KIF6: variants seen among roughly 807,000 people sequenced by gnomAD.
KIF6 encodes the protein kinesin-like protein KIF6.
In KIF6, 106 loss-of-function variants were observed where a neutral mutation model predicts 112.7. That is an observed-to-expected ratio of 0.94 (90% confidence interval 0.80 to 1.11). KIF6 has a LOEUF of 1.11. KIF6 is among the 50% of genes least tolerant of loss of function. The probability of loss-of-function intolerance (pLI) is 0.00; values close to 1 mark genes in which losing one functional copy is unlikely to be tolerated. For missense variants in KIF6, 929 were observed against 964.0 expected, an observed-to-expected ratio of 0.96 and a Z score of 0.48; for synonymous variants, 339 against 339.9, an observed-to-expected ratio of 1.00 and a Z score of 0.03.
chr6:39,384,522 G>A (rs116333903), intron 16 of KIF6, among the ~76,000 whole-genome samples: 1,832 of 152,328 alleles, frequency 0.012, 35 homozygotes, highest in African/African-American at 0.042. Context: ...TCCAGTTGCC[G>A]TGGCTTAGGT....
In KIF6 at chr6:39,598,900, G is replaced by T. The variant is rs370754958; in HGVS notation, c.640-2640C>A. Among the ~76,000 whole-genome samples the T allele has an allele frequency of 1.1e-4, 17 of 152,164 alleles. 1 individual carries two copies. In the East Asian group the frequency reaches 2.1e-3, roughly 19 times the overall value. ...TGATAGAATTTACATAATTAAAAAA[G>T]CAATATTATCTATTGTTCATGAAGC... On this transcript the variant is annotated intron_variant, in intron 6 of 22. Transcript: ENST00000287152.
At chr6:39,582,534 C>T (rs1017598066) in intron 9 of KIF6, among the ~76,000 whole-genome samples, 2 of 152,134 alleles carry the variant, frequency 1.3e-5, no homozygotes, top group African/African-American at 4.8e-5. Context: ...GCCTCAGCCT[C>T]CGGAGTAGCT....
At chr6:39,678,985 C>T (rs1336982720) in intron 3 of KIF6, among the ~76,000 whole-genome samples, 2 of 152,144 alleles carry the variant, frequency 1.3e-5, no homozygotes, top group African/African-American at 2.4e-5. Context: ...AAAAAAATCA[C>T]ATACTGATGT....
chr6:39,480,050 C>G (rs2150455394), intron 13 of KIF6, among the ~76,000 whole-genome samples: 1 of 152,246 alleles, frequency 6.6e-6, no homozygotes, highest in South Asian at 2.1e-4. Flanking sequence ...ATTTCTTTCT[C>G]TGGTCTGATT....
chr6:39,391,310 A>G (rs1379116150), intron 15 of KIF6, among the ~76,000 whole-genome samples: 1 of 152,206 alleles, frequency 6.6e-6, no homozygotes, highest in Non-Finnish European at 1.5e-5. Flanking sequence ...AGAGTCTGGC[A>G]CATTGTTTGA....
At chr6:39,536,179 CA>C (rs1280421592) in intron 13 of KIF6, among the ~76,000 whole-genome samples, 1 of 151,274 alleles carries the variant, frequency 6.6e-6, no homozygotes, top group African/African-American at 2.4e-5. Context: ...CAAACACATT[CA>C]AAAGCTAGCA....
At chr6:39,374,400 T>C (rs1418561255) in intron 16 of KIF6, among the ~76,000 whole-genome samples, 2 of 152,154 alleles carry the variant, frequency 1.3e-5, no homozygotes, top group Non-Finnish European at 2.9e-5. Context: ...CTAAAACGCT[T>C]TTGCACAGCA....
intron 1 of KIF6, among the ~76,000 whole-genome samples, chr6:39,722,674 A>G (rs1027387760): frequency 6.6e-6 from 1 of 152,236 alleles, no homozygotes; most frequent in Non-Finnish European, 1.5e-5. Flanking sequence ...TAATACTACA[A>G]AAAGCATTTC....
At chr6:39,383,015 CT>C (rs1258085157) in intron 16 of KIF6, among the ~76,000 whole-genome samples, 1 of 140,064 alleles carries the variant, frequency 7.1e-6, no homozygotes, top group Admixed American at 6.9e-5. Flanking sequence ...TAATAGGGTT[CT>C]TTTTTTCTTA....
In KIF6 at chr6:39,349,631, C is replaced by CTTTTT. The variant is rs58810898; in HGVS notation, c.2181-3110_2181-3106dup. Among the ~76,000 whole-genome samples, 46 of 64,560 alleles carry CTTTTT rather than the reference C, an allele frequency of 7.1e-4. 1 individual carries two copies. The highest frequency in any genetic ancestry group is 9.0e-4 in the African/African-American group (14 of 15,496). The allele number at this position is 64,560 out of a possible 152,430, so 42.4% of individuals were successfully genotyped here. On this transcript the variant is annotated intron_variant, in intron 19 of 22. Transcript: ENST00000287152. ...GAAGGTCTAGGTTTAATTTGTGGCT[C>CTTTTT]TTTTTTTTTTTTTTTTTTTTTTTTT...
At chr6:39,594,276 T>C (rs568226159) in intron 7 of KIF6, among the ~76,000 whole-genome samples, 1 of 151,898 alleles carries the variant, frequency 6.6e-6, no homozygotes, top group African/African-American at 2.4e-5. Context: ...GGAAGTCTGA[T>C]TCAACTGATG....
intron 15 of KIF6, among the ~76,000 whole-genome samples, chr6:39,400,262 A>G (rs75205815): frequency 0.037 from 5,564 of 152,248 alleles, 179 homozygotes; most frequent in Non-Finnish European, 0.05. Context: ...GTGGCTTATA[A>G]AGGCGAGCAA....
intron 16 of KIF6, among the ~76,000 whole-genome samples, chr6:39,364,706 G>A (rs1277579737): frequency 6.6e-6 from 1 of 152,166 alleles, no homozygotes; most frequent in East Asian, 1.9e-4. Flanking sequence ...GTACCCTATT[G>A]CTAATTCTCA....
At chr6:39,682,660 A>G (rs1048335716) in intron 3 of KIF6, among the ~76,000 whole-genome samples, 9 of 152,036 alleles carry the variant, frequency 5.9e-5, no homozygotes, top group African/African-American at 2.2e-4. Context: ...GCTTACTGCA[A>G]CCTCCACCTC....
At chr6:39,576,596 C>G (rs1399586296) in intron 10 of KIF6, among the ~76,000 whole-genome samples, 1 of 152,186 alleles carries the variant, frequency 6.6e-6, no homozygotes, top group Non-Finnish European at 1.5e-5. Context: ...TTCCTCTGGA[C>G]AGTGTCTCGA....
At position 39,351,211 on chromosome 6, in the gene KIF6, A is replaced by G. The variant is rs1764220274; in HGVS notation, c.2181-4685T>C. Among the ~76,000 whole-genome samples the G allele has an allele frequency of 7.6e-5, 10 of 132,140 alleles. 1 individual carries two copies. The South Asian group carries it at 2.5e-3, about 33-fold the overall frequency. The allele number at this position is 132,140 out of a possible 152,430, so 86.7% of individuals were successfully genotyped here. A position where few individuals can be genotyped will look rare whatever the true frequency, so the allele number is the denominator to read the frequency against. ...TTTTTTTTTTTTTTTTTGCAAGCAC[A>G]GTGTATTTCTTTTCTTTCTTTTTTT... is the stretch of plus-strand genomic sequence containing the variant. On this transcript the variant is annotated intron_variant, in intron 19 of 22. Transcript: ENST00000287152.
chr6:39,566,176 T>C (rs1357806965), intron 10 of KIF6, among the ~76,000 whole-genome samples: 1 of 152,262 alleles, frequency 6.6e-6, no homozygotes, highest in East Asian at 1.9e-4. Context: ...TATGAGTATG[T>C]GCATATACAT....
rs35204410 is a variant in KIF6 at position 39,364,371 on chromosome 6, G to A, written c.1862-1853C>T. On this transcript the variant is annotated intron_variant, in intron 16 of 22. Transcript: ENST00000287152. ...CTTGACCTCATGATCCACCCACCTC[G>A]GCCTCCTAAAGTGTTGGGATTACAG... Among the ~76,000 whole-genome samples, 1,088 of 152,148 alleles carry A rather than the reference G, an allele frequency of 7.2e-3. 9 individuals are homozygous for A. The highest frequency in any genetic ancestry group is 0.011 in the Non-Finnish European group (719 of 67,992).
At position 39,342,594 on chromosome 6, in the gene KIF6, G is replaced by GTTT. The variant is rs1443982685; in HGVS notation, c.2428+1112_2428+1114dup. Among the ~76,000 whole-genome samples, 20 of 124,310 alleles carry GTTT rather than the reference G, an allele frequency of 1.6e-4. 2 individuals are homozygous for GTTT. Among genetic ancestry groups the GTTT allele is most frequent in the African/African-American group, 2.6e-4 (6 of 22,826 alleles). The allele number at this position is 124,310 out of a possible 152,430, so 81.6% of individuals were successfully genotyped here. A position where few individuals can be genotyped will look rare whatever the true frequency, so the allele number is the denominator to read the frequency against. ...GGGGACTTGGAGATCACTGAATCCAGTTTTTTATTTTTTTTTATTTTTTTT... is the reference window on the plus strand; with the variant it reads ...GGGGACTTGGAGATCACTGAATCCAGTTTTTTTTTATTTTTTTTTATTTTTTTT... On this transcript the variant is annotated intron_variant, in intron 22 of 22. Transcript: ENST00000287152. The surrounding 1 kb of genome is among the most constrained non-coding windows in gnomAD (Gnocchi z 4.7).
Sources: gnomAD v4.1 joint callset for allele counts (sites outside exome capture counted in the v4.1 genomes callset) on GRCh38, gnomAD v4.1.1 for gene constraint, Gnocchi (gnomAD v3.1) non-coding constraint, MANE v1.5 for transcripts, NCBI Gene and HGNC (gene_info 2026-07-23, HGNC 2026-07-21) for gene names.